ENTPD5: variants seen among roughly 807,000 people sequenced by gnomAD.
The protein encoded by ENTPD5 is nucleoside diphosphate phosphatase ENTPD5.
ENTPD5 carries 49 observed loss-of-function variants against 60.2 expected under a neutral mutation model. The observed-to-expected ratio is 0.81, with a 90% CI of 0.65 to 1.03. ENTPD5 has a LOEUF of 1.03. Ranked by LOEUF, ENTPD5 falls within the 50% of genes least tolerant of loss-of-function variation. The pLI is 0.00. For synonymous variants in ENTPD5, 187 were observed against 185.4 expected (o/e 1.01, Z -0.07); for missense variants, 480 against 507.6 (o/e 0.95, Z 0.52).
chr14:73,976,279 G>T (rs756090073), intron 9 of ENTPD5, 45 bp downstream of exon 9: 1 of 1,532,424 alleles, frequency 6.5e-7, no homozygotes, highest in Non-Finnish European at 9.0e-7. Flanking sequence ...ACCATGATAC[G>T]CCTGCCAAGT....
At chr14:74,003,618 C>A (rs2058576564) in intron 3 of ENTPD5, 1 of 515,688 alleles carries the variant, frequency 1.9e-6, no homozygotes. Context: ...GCCCTCTGAT[C>A]GCTGATCACC....
intron 1 of ENTPD5, among the ~76,000 whole-genome samples, chr14:74,016,362 T>C (rs2059017046): frequency 6.6e-6 from 1 of 152,068 alleles, no homozygotes; most frequent in Admixed American, 6.6e-5. Flanking sequence ...CTAGGCCAAG[T>C]GTGGCGACTC....
At chr14:74,009,860 C>T (rs139814489) in intron 3 of ENTPD5, among the ~76,000 whole-genome samples, 2,435 of 152,052 alleles carry the variant, frequency 0.016, 32 homozygotes, top group Non-Finnish European at 0.024. Context: ...GGCATGATCT[C>T]GGCTCATTGC....
At position 73,985,491 on chromosome 14, in the gene ENTPD5, A is replaced by G. The variant is rs543795588; in HGVS notation, c.297+1323T>C. Among the ~76,000 whole-genome samples, 85 of 152,322 alleles carry G rather than the reference A, an allele frequency of 5.6e-4. 1 individual carries two copies. Among genetic ancestry groups the G allele is most frequent in the Admixed American group, 1.8e-3 (27 of 15,294 alleles). Reference sequence around the variant, plus strand: ...TTTGATTTGCATTTCTCTGATGGCCAGTGATGATGAGCATTTTTTCATGTG... The same window carrying G: ...TTTGATTTGCATTTCTCTGATGGCCGGTGATGATGAGCATTTTTTCATGTG... On this transcript the variant is annotated intron_variant, in intron 5 of 15. Coordinates refer to ENST00000334696, the MANE Select transcript of ENTPD5 (RefSeq NM_001249.5).
chr14:74,001,846 C>A (rs2058522275), intron 3 of ENTPD5, among the ~76,000 whole-genome samples: 1 of 151,940 alleles, frequency 6.6e-6, no homozygotes, highest in Admixed American at 6.6e-5. Context: ...GAGTGAGACC[C>A]TGTCTCAAAT....
downstream of ENTPD5, among the ~76,000 whole-genome samples, chr14:73,957,528 G>A (rs2056497050): frequency 6.6e-6 from 1 of 152,168 alleles, no homozygotes. Flanking sequence ...TGGCTGGGGT[G>A]CAGTGGCTTA....
intron 14 of ENTPD5, among the ~76,000 whole-genome samples, chr14:73,971,446 C>G (rs930972584): frequency 3.9e-5 from 6 of 152,150 alleles, no homozygotes; most frequent in Non-Finnish European, 8.8e-5. Context: ...CGTGAGCCAC[C>G]GTGCCCGGCC....
chr14:74,007,060 AT>A (rs2058699299), intron 3 of ENTPD5, among the ~76,000 whole-genome samples: 1 of 152,218 alleles, frequency 6.6e-6, no homozygotes, highest in South Asian at 2.1e-4. Context: ...TAGAAACTTT[AT>A]GCTACATACA....
chr14:73,995,203 C>T (rs748765661), intron 3 of ENTPD5, among the ~76,000 whole-genome samples: 4 of 151,866 alleles, frequency 2.6e-5, no homozygotes, highest in African/African-American at 4.8e-5. Flanking sequence ...CATGTGCCGC[C>T]GCGCCTGGCT....
chr14:73,962,819 A>G, downstream of ENTPD5: 1 of 665,894 alleles, frequency 1.5e-6, no homozygotes, highest in East Asian at 2.7e-5. Context: ...CCTGTCTCTA[A>G]AACGTGTGTA....
At chr14:73,979,773 G>C (rs62006135) in intron 6 of ENTPD5, among the ~76,000 whole-genome samples, 5,845 of 151,864 alleles carry the variant, frequency 0.038, 173 homozygotes, top group Non-Finnish European at 0.06. Context: ...ACCTGGCCCA[G>C]TAAGCACTCT....
chr14:73,961,896 C>T (rs1325269139), downstream of ENTPD5: 1 of 1,614,182 alleles, frequency 6.2e-7, no homozygotes, highest in East Asian at 2.2e-5. Flanking sequence ...GCAGTGTCTC[C>T]ACTCAAAGTA....
At chr14:74,017,609 G>C (rs1477642029) in intron 1 of ENTPD5, among the ~76,000 whole-genome samples, 1 of 151,554 alleles carries the variant, frequency 6.6e-6, no homozygotes, top group Non-Finnish European at 1.5e-5. Context: ...TTACAGCCGG[G>C]GGCGGTGGCT....
intron 3 of ENTPD5, among the ~76,000 whole-genome samples, chr14:73,998,343 A>G (rs2140757018): frequency 6.6e-6 from 1 of 152,262 alleles, no homozygotes; most frequent in East Asian, 1.9e-4. Flanking sequence ...GAAGGGCGGT[A>G]GAAGCTCAGG....
chr14:74,010,216 T>C lies in ENTPD5; in HGVS notation c.-71+875A>G, dbSNP rs115857921. On this transcript the variant is annotated intron_variant, in intron 3 of 15. Coordinates refer to ENST00000334696, the MANE Select transcript of ENTPD5 (RefSeq NM_001249.5). ...CCCAAACCTCTCAAGGGATTACAAG[T>C]GTGAGCCACTGCACCTGGCTCCACT... Among the ~76,000 whole-genome samples the C allele has an allele frequency of 5.8e-3, 883 of 152,256 alleles. 7 individuals are homozygous for C. Among genetic ancestry groups the C allele is most frequent in the African/African-American group, 0.02 (811 of 41,562 alleles).
At chr14:73,976,278 C>G (rs370811247) in intron 9 of ENTPD5, 46 bp downstream of exon 9, 3 of 1,530,918 alleles carry the variant, frequency 2.0e-6, no homozygotes, top group East Asian at 2.2e-5. Flanking sequence ...CACCATGATA[C>G]GCCTGCCAAG....
intron 2 of ENTPD5, 83 bp downstream of exon 2, chr14:74,015,741 G>A (rs2058998876): frequency 6.6e-6 from 1 of 151,900 alleles, no homozygotes; most frequent in Non-Finnish European, 1.5e-5. Context: ...AAAAAACAGA[G>A]AATTAAATTC....
intron 3 of ENTPD5, among the ~76,000 whole-genome samples, chr14:74,010,292 C>T (rs544538660): frequency 2.0e-5 from 3 of 152,264 alleles, no homozygotes; most frequent in East Asian, 1.9e-4. Context: ...CAGTGGCTCA[C>T]GCCTGTAATC....
downstream of ENTPD5, chr14:73,955,900 T>C (rs757927318): frequency 5.1e-5 from 82 of 1,614,154 alleles, 1 homozygote; most frequent in Middle Eastern, 3.3e-4. Context: ...TCATGCATGC[T>C]CTCACTAAGC....
Sources: gnomAD v4.1 joint callset for allele counts (sites outside exome capture counted in the v4.1 genomes callset) on GRCh38, gnomAD v4.1.1 for gene constraint, MANE v1.5 for transcripts, NCBI Gene and HGNC (gene_info 2026-07-23, HGNC 2026-07-21) for gene names.